RUNDC3B: variants seen among roughly 807,000 people sequenced by gnomAD.
RUNDC3B encodes RUN domain-containing protein 3B.
Under a neutral mutation model 58.4 loss-of-function variants are expected in RUNDC3B, and 33 were observed. The observed-to-expected ratio is 0.56, with a 90% CI of 0.43 to 0.75. The LOEUF is 0.75. Ranked by LOEUF, RUNDC3B falls within the 30% of genes least tolerant of loss-of-function variation. The probability of loss-of-function intolerance (pLI) is 0.00; values close to 1 mark genes in which losing one functional copy is unlikely to be tolerated. For synonymous variants in RUNDC3B, 193 were observed against 195.2 expected (o/e 0.99, Z 0.10); for missense variants, 501 against 535.7 (o/e 0.94, Z 0.64).
rs749179910 is a variant in RUNDC3B, at chr7:87,739,895, G to A, written c.548+15G>A. The A allele has an allele frequency of 2.3e-6, 3 of 1,331,468 alleles. No individual in the cohort carries two copies. Among genetic ancestry groups the A allele is most frequent in the Admixed American group, 1.8e-5 (1 of 55,178 alleles). 82.5% of individuals were successfully genotyped at this position (1,331,468 alleles called of 1,614,324 possible). On this transcript the variant is annotated intron_variant, in intron 5 of 10. Transcript: ENST00000394654. Reference sequence around the variant, plus strand: ...ATTGATTTCAGGTACTTAACCAAATGCATTCAGTTTTTAAATTATTCTATA... The same window carrying A: ...ATTGATTTCAGGTACTTAACCAAATACATTCAGTTTTTAAATTATTCTATA...
At chr7:87,824,843 T>C (rs532393010) in intron 10 of RUNDC3B, among the ~76,000 whole-genome samples, 30 of 152,242 alleles carry the variant, frequency 2.0e-4, no homozygotes, top group African/African-American at 7.2e-4. Flanking sequence ...GCCCCTGCCA[T>C]AGAGACTTGT....
intron 10 of RUNDC3B, among the ~76,000 whole-genome samples, chr7:87,825,199 A>T (rs1426662747): frequency 6.6e-6 from 1 of 152,080 alleles, no homozygotes; most frequent in African/African-American, 2.4e-5. Context: ...AGCCTGGGTG[A>T]CAGAGCGAGA....
chr7:87,733,569 G>A (rs1004173996), intron 4 of RUNDC3B, among the ~76,000 whole-genome samples: 4 of 152,198 alleles, frequency 2.6e-5, no homozygotes, highest in African/African-American at 7.2e-5. Flanking sequence ...TAAGGCAGCG[G>A]TCCCCAACCT....
intron 2 of RUNDC3B, among the ~76,000 whole-genome samples, chr7:87,680,840 A>C (rs987126486): frequency 6.6e-6 from 1 of 150,474 alleles, no homozygotes; most frequent in South Asian, 2.1e-4. Context: ...TAAATAAAGA[A>C]GGGAAAATTA....
At chr7:87,659,475 T>C (rs2130438531) in intron 2 of RUNDC3B, among the ~76,000 whole-genome samples, 1 of 152,296 alleles carries the variant, frequency 6.6e-6, no homozygotes, top group East Asian at 1.9e-4. Context: ...TTTCTTTATG[T>C]CCCTTTATTC....
intron 4 of RUNDC3B, among the ~76,000 whole-genome samples, chr7:87,714,889 C>T (rs185287707): frequency 2.6e-5 from 4 of 152,198 alleles, no homozygotes; most frequent in African/African-American, 4.8e-5. Flanking sequence ...CCTGACCGCA[C>T]GTCCATTCAT....
intron 6 of RUNDC3B, among the ~76,000 whole-genome samples, chr7:87,768,994 G>A (rs1834123522): frequency 6.7e-6 from 1 of 148,402 alleles, no homozygotes; most frequent in Non-Finnish European, 1.5e-5. Flanking sequence ...ACTCATTATT[G>A]TCCAACCACC....
rs549122237 is a variant in RUNDC3B at position 87,800,217 on chromosome 7, G to A, written c.957-7156G>A. ...TGAGCATTGGCACAGCATCTGGGGT[G>A]AGGAAGAAGCAAAGTAGAGGGGAGA... On this transcript the variant is annotated intron_variant, in intron 8 of 10. Transcript: ENST00000394654. Among the ~76,000 whole-genome samples, 13 of 152,272 alleles carry A rather than the reference G, an allele frequency of 8.5e-5. 1 individual carries two copies. The highest frequency in any genetic ancestry group is 3.1e-4 in the African/African-American group (13 of 41,542).
At chr7:87,725,264 C>T (rs538194088) in intron 4 of RUNDC3B, among the ~76,000 whole-genome samples, 54 of 152,212 alleles carry the variant, frequency 3.5e-4, no homozygotes, top group African/African-American at 1.2e-3. Context: ...CAACAGGCCC[C>T]GGTGTGTGAT....
At chr7:87,670,894 T>G (rs1825761177) in intron 2 of RUNDC3B, among the ~76,000 whole-genome samples, 2 of 152,200 alleles carry the variant, frequency 1.3e-5, no homozygotes, top group Non-Finnish European at 2.9e-5. Context: ...AAGTGTGAGT[T>G]TCTCTCCCCC....
rs539545621 is a variant in RUNDC3B at position 87,741,835 on chromosome 7, T to C, written c.629+256T>C. The stretch of plus-strand genomic sequence containing the variant: ...AAAATAACAAAAACATTTATTCATA[T>C]TGCTGTAGTCATTATAATAACTTTA... On this transcript the variant is annotated intron_variant, in intron 6 of 10. Coordinates refer to ENST00000394654, the MANE Select transcript of RUNDC3B (RefSeq NM_001134405.2). Among the ~76,000 whole-genome samples, 34 of 151,680 alleles carry C rather than the reference T, an allele frequency of 2.2e-4. No individual in the cohort carries two copies. The East Asian group carries it at 6.2e-3, about 28-fold the overall frequency.
At chr7:87,721,607 C>T (rs1393984873) in intron 4 of RUNDC3B, among the ~76,000 whole-genome samples, 1 of 152,122 alleles carries the variant, frequency 6.6e-6, no homozygotes, top group African/African-American at 2.4e-5. Flanking sequence ...AAAACAAACA[C>T]ACTTTTAAAC....
intron 6 of RUNDC3B, among the ~76,000 whole-genome samples, chr7:87,765,314 T>C (rs979266126): frequency 1.3e-5 from 2 of 151,998 alleles, no homozygotes; most frequent in Non-Finnish European, 2.9e-5. Flanking sequence ...TGCTCTGATG[T>C]TTGTTATTTC....
At chr7:87,746,922 T>A (rs1245263174) in intron 6 of RUNDC3B, among the ~76,000 whole-genome samples, 1 of 152,242 alleles carries the variant, frequency 6.6e-6, no homozygotes, top group Non-Finnish European at 1.5e-5. Flanking sequence ...TAATTTTCTC[T>A]GGTCCCTCCA....
At chr7:87,783,075 T>C (rs1835019980) in intron 8 of RUNDC3B, among the ~76,000 whole-genome samples, 1 of 152,116 alleles carries the variant, frequency 6.6e-6, no homozygotes, top group Non-Finnish European at 1.5e-5. Context: ...ACTACTATTA[T>C]TGTGTGGTTA....
chr7:87,815,129 A>G (rs1470741109), intron 9 of RUNDC3B, among the ~76,000 whole-genome samples: 1 of 152,122 alleles, frequency 6.6e-6, no homozygotes, highest in Non-Finnish European at 1.5e-5. Context: ...AATTAACATA[A>G]AATGGAGACT....
chr7:87,661,639 T>C (rs1342391249), intron 2 of RUNDC3B, among the ~76,000 whole-genome samples: 1 of 151,896 alleles, frequency 6.6e-6, no homozygotes, highest in Non-Finnish European at 1.5e-5. Flanking sequence ...TTGTGTATAT[T>C]TACCACATTT....
rs1292832163 is a variant in RUNDC3B at position 87,741,574 on chromosome 7, C to T, written c.624C>T (p.Ile208=). Residue 208 remains isoleucine (I), a synonymous_variant, in exon 6 of 11, where the codon ATC becomes ATT. Transcript: ENST00000394654. ...ACTATACACCATATTTGAAGTATATCCAAAGGTATGTGACATTTTGAGATA... is the reference window on the plus strand; with the variant it reads ...ACTATACACCATATTTGAAGTATATTCAAAGGTATGTGACATTTTGAGATA... ...VIDYTPYLKY[I]QSSDSISSDE... is the part of the protein sequence containing the mutation. 7.8e-6 allele frequency: 12 copies of T among 1,536,262 alleles called. No individual in the cohort carries two copies. The highest frequency in any genetic ancestry group is 1.1e-5 in the Non-Finnish European group (12 of 1,118,704).
chr7:87,768,288 GGCT>G (rs1834084042), intron 6 of RUNDC3B, among the ~76,000 whole-genome samples: 1 of 152,226 alleles, frequency 6.6e-6, no homozygotes, highest in East Asian at 1.9e-4. Context: ...TGCTTTGGTG[GGCT>G]GCACCTCTCC....
Sources: gnomAD v4.1 joint callset for allele counts (sites outside exome capture counted in the v4.1 genomes callset) on GRCh38, gnomAD v4.1.1 for gene constraint, MANE v1.5 for transcripts, NCBI Gene and HGNC (gene_info 2026-07-23, HGNC 2026-07-21) for gene names.